Variants in TRPC6 observed in about 807,000 individuals in gnomAD.
TRPC6 encodes transient receptor potential cation channel subfamily C member 6.
TRPC6 carries 55 observed loss-of-function variants against 90.7 expected under a neutral mutation model. That is an observed-to-expected ratio of 0.61 (90% CI 0.49 to 0.76). The LOEUF (loss-of-function observed/expected upper bound fraction) is 0.76. Ranked by LOEUF, TRPC6 falls within the 30% of genes least tolerant of loss-of-function variation. The pLI is 0.00. For synonymous variants in TRPC6, 393 were observed against 393.0 expected (o/e 1.00, Z 0.00); for missense variants, 989 against 1,122.7 (o/e 0.88, Z 1.70).
Position 101,503,886 on chromosome 11 carries a change from A to G in TRPC6, c.945+138T>C, listed in dbSNP as rs1040469443. The stretch of plus-strand genomic sequence containing the variant: ...CAACTTTTGCTACAATGATTATAAT[A>G]AAGAGCTTGTTGAATAAACTTATAA... On this transcript the variant is annotated intron_variant, in intron 2 of 12. Transcript: ENST00000344327. 1.0e-5 allele frequency: 11 copies of G among 1,077,862 alleles called. No individual in the cohort carries two copies. In the Admixed American group the frequency reaches 2.0e-4, roughly 20 times the overall value. The allele number at this position is 1,077,862 out of a possible 1,614,324, so 66.8% of individuals were successfully genotyped here. A position where few individuals can be genotyped will look rare whatever the true frequency, so the allele number is the denominator to read the frequency against.
chr11:101,539,253 G>C (rs1287204281), intron 1 of TRPC6, among the ~76,000 whole-genome samples: 2 of 152,134 alleles, frequency 1.3e-5, no homozygotes, highest in Non-Finnish European at 2.9e-5. Context: ...CTTAGAACTA[G>C]ACTGCTCCAA....
intron 5 of TRPC6, among the ~76,000 whole-genome samples, chr11:101,480,900 C>G (rs902811419): frequency 6.6e-6 from 1 of 152,040 alleles, no homozygotes; most frequent in Non-Finnish European, 1.5e-5. Flanking sequence ...TTTTTCTAGT[C>G]TCATCAATTA....
At chr11:101,478,532 C>A (rs945873086) in intron 5 of TRPC6, among the ~76,000 whole-genome samples, 1 of 152,082 alleles carries the variant, frequency 6.6e-6, no homozygotes, top group Non-Finnish European at 1.5e-5. Flanking sequence ...AAATAGAATT[C>A]TTGGCACAAA....
intron 1 of TRPC6, among the ~76,000 whole-genome samples, chr11:101,559,656 T>A (rs1161157998): frequency 6.6e-6 from 1 of 152,014 alleles, no homozygotes; most frequent in African/African-American, 2.4e-5. Context: ...TATTATACTT[T>A]AAGTTTTAGG....
At chr11:101,535,151 G>C (rs1168133413) in intron 1 of TRPC6, among the ~76,000 whole-genome samples, 2 of 147,910 alleles carry the variant, frequency 1.4e-5, no homozygotes, top group Non-Finnish European at 3.0e-5. Context: ...GGGTGACAGA[G>C]CAAGATTCTG....
At chr11:101,493,501 T>A (rs1166698444) in intron 2 of TRPC6, among the ~76,000 whole-genome samples, 1 of 152,198 alleles carries the variant, frequency 6.6e-6, no homozygotes, top group African/African-American at 2.4e-5. Flanking sequence ...AATCGAGCTT[T>A]AAACCTAAAT....
At chr11:101,537,078 T>C (rs1366803028) in intron 1 of TRPC6, among the ~76,000 whole-genome samples, 1 of 152,232 alleles carries the variant, frequency 6.6e-6, no homozygotes, top group African/African-American at 2.4e-5. Context: ...GGGGTTATAG[T>C]GCTGCCATCT....
At chr11:101,492,790 A>G (rs996099601) in intron 2 of TRPC6, among the ~76,000 whole-genome samples, 1 of 152,226 alleles carries the variant, frequency 6.6e-6, no homozygotes. Flanking sequence ...GAACATTTGG[A>G]AAGTTTCCAG....
chr11:101,485,663 A>T (rs773099784), intron 4 of TRPC6, among the ~76,000 whole-genome samples: 1 of 152,126 alleles, frequency 6.6e-6, no homozygotes, highest in Non-Finnish European at 1.5e-5. Context: ...TTCATGAAAA[A>T]GTTATTTATC....
Position 101,488,987 on chromosome 11 carries a change from T to C in TRPC6, c.1243A>G (p.Ile415Val), listed in dbSNP as rs201549192. The C allele has an allele frequency of 3.7e-6, 6 of 1,614,168 alleles. No individual in the cohort carries two copies. Among genetic ancestry groups the C allele is most frequent in the South Asian group, 1.1e-5 (1 of 91,084 alleles). ...VKFLVVLAVAIGLPFLALIYW... is the reference protein window; with the variant it reads ...VKFLVVLAVAVGLPFLALIYW... ...ATGAGAGCCAGGAAGGGCAGTCCAATGGCAACAGCAAGGACCACAAGGAAC... is the reference window on the plus strand; with the variant it reads ...ATGAGAGCCAGGAAGGGCAGTCCAACGGCAACAGCAAGGACCACAAGGAAC... The change falls in exon 4 of 13, where the codon ATT becomes GTT. Residue 415 changes from isoleucine (I) to valine (V), a missense_variant. Around this residue, in one of 4 missense-constraint regions of TRPC6, gnomAD observed 486 missense variants for 591.9 expected, o/e 0.82. Transcript: ENST00000344327.
intron 1 of TRPC6, among the ~76,000 whole-genome samples, chr11:101,582,939 C>T (rs1225295538): frequency 6.6e-6 from 1 of 152,098 alleles, no homozygotes; most frequent in Admixed American, 6.5e-5. Context: ...TAAGAGTCAC[C>T]CGGGCGCACA....
At chr11:101,556,328 G>GA (rs11365306) in intron 1 of TRPC6, among the ~76,000 whole-genome samples, 6 of 149,700 alleles carry the variant, frequency 4.0e-5, no homozygotes, top group African/African-American at 7.3e-5. Context: ...GGCTCACTAA[G>GA]AAAAAAAAAT....
chr11:101,544,874 A>G (rs1332887365), intron 1 of TRPC6, among the ~76,000 whole-genome samples: 3 of 122,794 alleles, frequency 2.4e-5, no homozygotes, highest in South Asian at 2.4e-4. Flanking sequence ...AACTTAAAGT[A>G]TAATTAAAAA....
Position 101,473,691 on chromosome 11 carries a change from C to T in TRPC6, c.1827G>A (p.Arg609=), listed in dbSNP as rs1859347388. The part of the protein sequence containing the change: ...YAIAVVLSFS[R]IAYILPANES... ...CATTTGCTGGTAAAATATAAGCTATCCTAGAGAAACTTAAAACTACAGCAA... is the reference window on the plus strand; with the variant it reads ...CATTTGCTGGTAAAATATAAGCTATTCTAGAGAAACTTAAAACTACAGCAA... The change falls in exon 7 of 13, where the codon AGG becomes AGA. Residue 609 remains arginine (R), a synonymous_variant. Transcript: ENST00000344327. 6.2e-7 allele frequency: 1 copy of T among 1,613,650 alleles called. No homozygotes were observed.
At chr11:101,505,303 C>A (rs1273114707) in intron 1 of TRPC6, among the ~76,000 whole-genome samples, 1 of 152,146 alleles carries the variant, frequency 6.6e-6, no homozygotes. Flanking sequence ...GATGCTTTTT[C>A]CTGCCTCTAC....
intron 1 of TRPC6, among the ~76,000 whole-genome samples, chr11:101,545,003 A>C (rs1434048652): frequency 6.6e-6 from 1 of 152,134 alleles, no homozygotes; most frequent in East Asian, 1.9e-4. Flanking sequence ...ACATTGTAGG[A>C]ATTTGTTCAA....
chr11:101,475,500 T>A (rs1407590973), intron 6 of TRPC6, among the ~76,000 whole-genome samples: 1 of 152,174 alleles, frequency 6.6e-6, no homozygotes, highest in Non-Finnish European at 1.5e-5. Flanking sequence ...GCCACTATAC[T>A]GTATATCTCC....
intron 1 of TRPC6, among the ~76,000 whole-genome samples, chr11:101,554,529 T>C (rs1331899849): frequency 6.6e-6 from 1 of 152,066 alleles, no homozygotes; most frequent in Non-Finnish European, 1.5e-5. Flanking sequence ...GGGAATATGG[T>C]GGGTTTTCCT....
chr11:101,514,795 G>A (rs188545651), intron 1 of TRPC6, among the ~76,000 whole-genome samples: 1 of 152,294 alleles, frequency 6.6e-6, no homozygotes, highest in Non-Finnish European at 1.5e-5. Flanking sequence ...AGGGTTTGGA[G>A]CTTATATAAT....
Sources: allele counts gnomAD v4.1 joint callset (sites outside exome capture counted in the v4.1 genomes callset), GRCh38; gene constraint gnomAD v4.1.1; regional missense constraint gnomAD v4.1.1; transcripts MANE v1.5; gene names NCBI Gene and HGNC (gene_info 2026-07-23, HGNC 2026-07-21).